ERAP2: variants seen among roughly 807,000 people sequenced by gnomAD.
The protein encoded by ERAP2 is leukocyte-derived arginine aminopeptidase.
A neutral mutation model predicts 111.1 loss-of-function variants in ERAP2; 118 were observed. The observed-to-expected ratio is 1.06, with a 90% confidence interval of 0.92 to 1.24. The LOEUF is 1.24. Ranked by LOEUF, ERAP2 falls within the 50% of genes most tolerant of loss-of-function variation. ERAP2 has a pLI of 0.00. For synonymous variants in ERAP2, 410 were observed against 401.2 expected (o/e 1.02, Z -0.26); for missense variants, 1,131 against 1,125.8 (o/e 1.00, Z -0.07).
chr5:96,917,770 G>A lies in ERAP2; in HGVS notation c.*165G>A, dbSNP rs1037634926. ...AAATACAAAAAATTAGCCGGGCATG[G>A]TGGCAGGTGCCTGTAGTCCCAGCTA... On this transcript the variant is annotated 3_prime_UTR_variant, in exon 19 of 19. Transcript: ENST00000437043. The A allele has an allele frequency of 2.8e-5, 12 of 429,604 alleles. No homozygotes were observed. The highest frequency in any genetic ancestry group is 2.5e-4 in the African/African-American group (12 of 48,132). 26.6% of individuals were successfully genotyped at this position (429,604 alleles called of 1,614,324 possible).
At chr5:96,910,640 C>T (rs1201367346) in intron 15 of ERAP2, among the ~76,000 whole-genome samples, 1 of 152,130 alleles carries the variant, frequency 6.6e-6, no homozygotes, top group Non-Finnish European at 1.5e-5. Flanking sequence ...AACCTACCTA[C>T]AGTAGATATA....
intron 4 of ERAP2, among the ~76,000 whole-genome samples, chr5:96,888,396 T>A (rs184896952): frequency 1.1e-3 from 173 of 152,316 alleles, no homozygotes; most frequent in Non-Finnish European, 1.9e-3. Context: ...GCCTGGGTGA[T>A]CTGGAGCAAG....
Position 96,917,917 on chromosome 5 carries a change from A to AAAG in ERAP2, c.*314_*315insGAA, listed in dbSNP as rs1354950100. ...CGAGACTCTGTCTCAAAAAAAAAAAAAAAAAAAAAAAGAAAAAGAAAAAGA... is the reference window on the plus strand; with the variant it reads ...CGAGACTCTGTCTCAAAAAAAAAAAAAAGAAAAAAAAAAAGAAAAAGAAAAAGA... On this transcript the variant is annotated 3_prime_UTR_variant, in exon 19 of 19. Transcript: ENST00000437043. The AAAG allele has an allele frequency of 6.2e-6, 1 of 160,208 alleles. No homozygotes were observed. The highest frequency in any genetic ancestry group is 2.4e-5 in the African/African-American group (1 of 41,146). 9.9% of individuals were successfully genotyped at this position (160,208 alleles called of 1,614,324 possible).
At chr5:96,910,412 C>T (rs1379414619) in intron 15 of ERAP2, 1 of 150,320 alleles carries the variant, frequency 6.7e-6, no homozygotes, top group East Asian at 1.9e-4. Flanking sequence ...TCTTTTTGGA[C>T]TTTTTTTCCT....
chr5:96,892,223 GTA>G, intron 5 of ERAP2, 74 bp from the exon 6 acceptor site: 1 of 1,441,296 alleles, frequency 6.9e-7, no homozygotes, highest in Non-Finnish European at 9.7e-7. Flanking sequence ...GGATCATAGT[GTA>G]TTTGAGCAGA....
chr5:96,894,061 T>A (rs1030089666), intron 6 of ERAP2, among the ~76,000 whole-genome samples: 3 of 152,208 alleles, frequency 2.0e-5, no homozygotes, highest in Non-Finnish European at 4.4e-5. Flanking sequence ...TAGCACCTGC[T>A]TTACTGTATT....
Position 96,908,963 on chromosome 5 carries a change from C to A in ERAP2, c.2015C>A (p.Ala672Glu), listed in dbSNP as rs1214394652. Residue 672 changes from alanine (A) to glutamate (E), a missense_variant and splice_region_variant, in exon 14 of 19, where the codon GCA becomes GAA. Around this residue, in one of 3 missense-constraint regions of ERAP2, gnomAD observed 847 missense variants for 856.5 expected, o/e 0.99. Coordinates refer to ENST00000437043, the MANE Select transcript of ERAP2 (RefSeq NM_022350.5). ...CTGACATTTGTTTTATACTTCAGTG[C>A]AGGGAGACTGACCCTAGACAAAGCT... Reference protein sequence around the residue: ...LIHDVFQLVGAGRLTLDKALD... With the variant: ...LIHDVFQLVGEGRLTLDKALD... 6.2e-7 allele frequency: 1 copy of A among 1,613,748 alleles called. No homozygotes were observed. The highest frequency in any genetic ancestry group is 1.7e-5 in the Admixed American group (1 of 59,984).
chr5:96,890,631 T>C (rs1784245679), intron 5 of ERAP2, among the ~76,000 whole-genome samples: 1 of 152,238 alleles, frequency 6.6e-6, no homozygotes, highest in South Asian at 2.1e-4. Flanking sequence ...TATCCTGTCC[T>C]TTTTCGCCTC....
rs1782951813 is a variant in ERAP2 at position 96,879,856 on chromosome 5, T to C, written c.171T>C (p.Thr57=). The C allele has an allele frequency of 1.2e-6, 2 of 1,614,224 alleles. No individual in the cohort carries two copies. Among genetic ancestry groups the C allele is most frequent in the Non-Finnish European group, 1.7e-6 (2 of 1,180,040 alleles). ...TEDPGAFPVA[T]NGERFPWQEL... ...ATCCTGGGGCTTTCCCAGTAGCCAC[T>C]AATGGGGAACGATTTCCTTGGCAGG... is the stretch of plus-strand genomic sequence containing the variant. Residue 57 remains threonine (T), a synonymous_variant, in exon 2 of 19, where the codon ACT becomes ACC. Coordinates refer to ENST00000437043, the MANE Select transcript of ERAP2 (RefSeq NM_022350.5).
intron 13 of ERAP2, among the ~76,000 whole-genome samples, chr5:96,907,222 G>A (rs1209761622): frequency 3.9e-5 from 6 of 152,084 alleles, no homozygotes; most frequent in Non-Finnish European, 8.8e-5. Flanking sequence ...AACATTCTAT[G>A]CATTTTTTGA....
chr5:96,893,958 AC>A (rs1554057044), intron 6 of ERAP2, among the ~76,000 whole-genome samples: 1 of 152,198 alleles, frequency 6.6e-6, no homozygotes, highest in Non-Finnish European at 1.5e-5. Context: ...ATACCTGAGT[AC>A]TATTTACAAG....
rs1178460350 is a variant in ERAP2, at chr5:96,879,884, C to T, written c.199C>T (p.Leu67=). The stretch of plus-strand genomic sequence containing the variant: ...TGGGGAACGATTTCCTTGGCAGGAG[C>T]TAAGGCTCCCCAGTGTGGTCATTCC... ...TNGERFPWQE[L]RLPSVVIPLH... Residue 67 remains leucine, a synonymous_variant, in exon 2 of 19, where the codon CTA becomes TTA. Transcript: ENST00000437043. 2.5e-6 allele frequency: 4 copies of T among 1,614,062 alleles called. No individual in the cohort carries two copies. The highest frequency in any genetic ancestry group is 3.4e-6 in the Non-Finnish European group (4 of 1,180,044).
At chr5:96,880,288 T>C (rs1401604699) in intron 2 of ERAP2, 28 bp downstream of exon 2, 2 of 1,563,054 alleles carry the variant, frequency 1.3e-6, no homozygotes, top group Admixed American at 3.8e-5. Flanking sequence ...TAATTTACAT[T>C]CTTTTGTGAT....
intron 12 of ERAP2, 54 bp from the exon 13 acceptor site, chr5:96,903,323 G>T (rs1474639833): frequency 2.2e-6 from 3 of 1,381,752 alleles, no homozygotes; most frequent in Non-Finnish European, 3.0e-6. Flanking sequence ...TTCTGGAGAT[G>T]TTCTGAATAA....
At chr5:96,890,032 T>C (rs1784171000) in intron 5 of ERAP2, among the ~76,000 whole-genome samples, 1 of 152,200 alleles carries the variant, frequency 6.6e-6, no homozygotes, top group Admixed American at 6.5e-5. Context: ...GGTAAGACTG[T>C]GGAACAGATT....
At chr5:96,913,890 TAGA>T (rs1238211935) in intron 17 of ERAP2, among the ~76,000 whole-genome samples, 2 of 152,154 alleles carry the variant, frequency 1.3e-5, no homozygotes, top group Non-Finnish European at 2.9e-5. Context: ...TCCTCACCCC[TAGA>T]GCCCCTGTGG....
chr5:96,891,348 T>C (rs1164410364), intron 5 of ERAP2, among the ~76,000 whole-genome samples: 1 of 123,878 alleles, frequency 8.1e-6, no homozygotes, highest in East Asian at 2.4e-4. Flanking sequence ...TGTATATGTA[T>C]ATGTGTGTGT....
chr5:96,907,716 T>C (rs1786251739), intron 13 of ERAP2, among the ~76,000 whole-genome samples: 1 of 152,116 alleles, frequency 6.6e-6, no homozygotes, highest in Non-Finnish European at 1.5e-5. Context: ...ATCCCGTCTC[T>C]ACTAATACTA....
intron 18 of ERAP2, among the ~76,000 whole-genome samples, chr5:96,916,066 C>T (rs1195081790): frequency 6.6e-6 from 1 of 151,764 alleles, no homozygotes; most frequent in Non-Finnish European, 1.5e-5. Context: ...AATAAAAATA[C>T]AAAAATTAGC....
Sources: gnomAD v4.1 joint callset for allele counts (sites outside exome capture counted in the v4.1 genomes callset) on GRCh38, gnomAD v4.1.1 for gene constraint, gnomAD v4.1.1 regional missense constraint, MANE v1.5 for transcripts, NCBI Gene and HGNC (gene_info 2026-07-23, HGNC 2026-07-21) for gene names.